Variants in PALM2AKAP2 observed in about 807,000 individuals in gnomAD.
PALM2AKAP2 encodes the protein PALM2-AKAP2 fusion protein.
Under a neutral mutation model 71.5 loss-of-function variants are expected in PALM2AKAP2, and 37 were observed. The observed-to-expected ratio is 0.52, with a 90% confidence interval of 0.40 to 0.68. The LOEUF (loss-of-function observed/expected upper bound fraction) is 0.68. PALM2AKAP2 is among the 30% of genes least tolerant of loss of function. The probability of loss-of-function intolerance (pLI) is 0.00; values close to 1 mark genes in which losing one functional copy is unlikely to be tolerated. For missense variants in PALM2AKAP2, 1,224 were observed against 1,191.8 expected (o/e 1.03, Z -0.40); for synonymous variants, 468 against 478.8 (o/e 0.98, Z 0.29).
intron 3 of PALM2AKAP2, among the ~76,000 whole-genome samples, chr9:109,904,411 T>C (rs1830398318): frequency 6.6e-6 from 1 of 152,210 alleles, no homozygotes; most frequent in Admixed American, 6.5e-5. Context: ...TTGGGTTTCA[T>C]GGGAATATAA....
At chr9:109,837,490 C>T (rs1453143939) in intron 1 of PALM2AKAP2, among the ~76,000 whole-genome samples, 1 of 152,172 alleles carries the variant, frequency 6.6e-6, no homozygotes, top group African/African-American at 2.4e-5. Flanking sequence ...AAATAACCAG[C>T]TAACATCATA....
rs746247328 is a variant in PALM2AKAP2, at chr9:109,718,954, G to A, written c.6-61534G>A. Reference sequence around the variant, plus strand: ...TAAACTATTTCAAAATGATTTTTTCGTACTTCTAGAGTTGAAACAGAGGAA... The same window carrying A: ...TAAACTATTTCAAAATGATTTTTTCATACTTCTAGAGTTGAAACAGAGGAA... On this transcript the variant is annotated intron_variant, in intron 1 of 6. Transcript: ENST00000374531. Among the ~76,000 whole-genome samples the A allele has an allele frequency of 3.3e-5, 5 of 151,824 alleles. No individual in the cohort carries two copies. In the East Asian group the frequency reaches 5.8e-4, roughly 18 times the overall value.
chr9:109,757,767 T>G (rs2149000), intron 1 of PALM2AKAP2, among the ~76,000 whole-genome samples: 122,602 of 151,880 alleles, frequency 0.81, 49,559 homozygotes, highest in Middle Eastern at 0.9. Flanking sequence ...TCACCAAAAA[T>G]GTATAGGCTT....
chr9:109,962,920 T>C (rs1396353079), intron 6 of PALM2AKAP2, among the ~76,000 whole-genome samples: 1 of 152,196 alleles, frequency 6.6e-6, no homozygotes, highest in Admixed American at 6.5e-5. Context: ...TGTTTTAACA[T>C]AGATTATCTT....
chr9:110,127,657 A>G (rs1440150280), intron 1 of PALM2AKAP2: 1 of 152,210 alleles, frequency 6.6e-6, no homozygotes, highest in Admixed American at 6.5e-5. Context: ...GGAGGGTGGA[A>G]CGGCCCACTC....
chr9:109,960,551 G>T (rs1831835139), intron 6 of PALM2AKAP2, among the ~76,000 whole-genome samples: 1 of 152,180 alleles, frequency 6.6e-6, no homozygotes, highest in South Asian at 2.1e-4. Flanking sequence ...GCTGAGGCAG[G>T]AGGATTGCTT....
At chr9:109,746,750 T>C (rs970803583) in intron 1 of PALM2AKAP2, among the ~76,000 whole-genome samples, 11 of 152,174 alleles carry the variant, frequency 7.2e-5, no homozygotes, top group Admixed American at 6.5e-5. Flanking sequence ...GAGATAGTCC[T>C]ATTTTATCTT....
At chr9:109,779,952 G>C (rs376005251), upstream of PALM2AKAP2, among the ~76,000 whole-genome samples, 1 of 152,018 alleles carries the variant, frequency 6.6e-6, no homozygotes, top group African/African-American at 2.4e-5. Context: ...GCCCCAGCAA[G>C]CGCGTGTCCA....
chr9:109,786,933 A>G (rs900312529), intron 1 of PALM2AKAP2, among the ~76,000 whole-genome samples: 2 of 152,232 alleles, frequency 1.3e-5, no homozygotes, highest in Non-Finnish European at 2.9e-5. Flanking sequence ...CTTTGGGGTC[A>G]CTGCTGGCCC....
At position 110,007,581 on chromosome 9, in the gene PALM2AKAP2, T is replaced by G. The variant is rs185814822; in HGVS notation, c.497-8373T>G. 1.8e-4 allele frequency among the ~76,000 whole-genome samples: 27 copies of G among 152,214 alleles called. No homozygotes were observed. In the East Asian group the frequency reaches 5.2e-3, roughly 29 times the overall value. On this transcript the variant is annotated intron_variant, in intron 6 of 9. Coordinates refer to the PALM2AKAP2 transcript ENST00000302798. ...AGGTATGACACTATATTGTACTTATTGGGAGATTTAAGGAATTTTCAAGGG... is the reference window on the plus strand; with the variant it reads ...AGGTATGACACTATATTGTACTTATGGGGAGATTTAAGGAATTTTCAAGGG...
At chr9:110,002,471 G>A (rs756494840) in intron 6 of PALM2AKAP2, among the ~76,000 whole-genome samples, 8 of 151,844 alleles carry the variant, frequency 5.3e-5, no homozygotes, top group Non-Finnish European at 1.0e-4. Flanking sequence ...ATGTTCATCA[G>A]GGATATTGGT....
intron 6 of PALM2AKAP2, among the ~76,000 whole-genome samples, chr9:109,988,931 A>G (rs1832426330): frequency 1.3e-5 from 2 of 152,092 alleles, no homozygotes; most frequent in African/African-American, 4.8e-5. Flanking sequence ...GTGGTTTTAT[A>G]AGGGGAAACC....
At chr9:110,056,917 T>A (rs1833853177) in intron 1 of PALM2AKAP2, among the ~76,000 whole-genome samples, 1 of 152,160 alleles carries the variant, frequency 6.6e-6, no homozygotes, top group Admixed American at 6.5e-5. Context: ...GGTGTTATAG[T>A]GTGAGTGGCG....
chr9:109,776,477 G>C (rs1258462326), upstream of PALM2AKAP2, among the ~76,000 whole-genome samples: 6 of 152,182 alleles, frequency 3.9e-5, no homozygotes, highest in Non-Finnish European at 8.8e-5. Context: ...TGGGCAATGG[G>C]TACAACCAAA....
chr9:109,967,675 G>T (rs962731695), intron 6 of PALM2AKAP2, among the ~76,000 whole-genome samples: 1 of 152,220 alleles, frequency 6.6e-6, no homozygotes. Context: ...CTCCCAAAGT[G>T]TTGGGGTTAC....
At chr9:109,974,222 A>G (rs1429795737) in intron 6 of PALM2AKAP2, among the ~76,000 whole-genome samples, 2 of 152,254 alleles carry the variant, frequency 1.3e-5, no homozygotes, top group Non-Finnish European at 2.9e-5. Flanking sequence ...CCTGCCTGGC[A>G]GGGTGAGTGC....
intron 1 of PALM2AKAP2, among the ~76,000 whole-genome samples, chr9:110,093,205 C>G (rs1359676110): frequency 6.6e-6 from 1 of 152,082 alleles, no homozygotes; most frequent in Non-Finnish European, 1.5e-5. Flanking sequence ...GGCTAACCTT[C>G]CAAATAAGCA....
chr9:109,774,365 C>T (rs1829319618), intron 1 of PALM2AKAP2, among the ~76,000 whole-genome samples: 1 of 152,194 alleles, frequency 6.6e-6, no homozygotes, highest in South Asian at 2.1e-4. Flanking sequence ...AGAGCACCTT[C>T]AATATGTAGG....
chr9:109,662,632 T>G (rs950727571), intron 1 of PALM2AKAP2, among the ~76,000 whole-genome samples: 1 of 152,040 alleles, frequency 6.6e-6, no homozygotes, highest in Non-Finnish European at 1.5e-5. Flanking sequence ...AATTCTCTTT[T>G]TTTTGTTGTG....
Sources: allele counts gnomAD v4.1 joint callset (sites outside exome capture counted in the v4.1 genomes callset), GRCh38; gene constraint gnomAD v4.1.1; transcripts MANE v1.5; gene names NCBI Gene and HGNC (gene_info 2026-07-23, HGNC 2026-07-21).